KIAA1328: variants seen among roughly 807,000 people sequenced by gnomAD.
The protein encoded by KIAA1328 is protein hinderin.
KIAA1328 carries 52 observed loss-of-function variants against 68.1 expected under a neutral mutation model. That is an observed-to-expected ratio of 0.76 (90% CI 0.61 to 0.96). KIAA1328 has a LOEUF of 0.96. KIAA1328 is among the 40% of genes least tolerant of loss of function. The pLI, the probability that KIAA1328 is intolerant of heterozygous loss-of-function variation, is 0.00. For missense variants in KIAA1328, 641 were observed against 677.6 expected (o/e 0.95, Z 0.60); for synonymous variants, 232 against 239.4 (o/e 0.97, Z 0.28).
At chr18:36,947,344 C>A (rs1488899274) in intron 5 of KIAA1328, among the ~76,000 whole-genome samples, 1 of 152,128 alleles carries the variant, frequency 6.6e-6, no homozygotes, top group Non-Finnish European at 1.5e-5. Context: ...AACCTGTGCC[C>A]AATGTGATTG....
intron 6 of KIAA1328, among the ~76,000 whole-genome samples, chr18:37,020,913 AC>A (rs1418930939): frequency 1.3e-5 from 2 of 152,136 alleles, no homozygotes; most frequent in African/African-American, 4.8e-5. Context: ...TGCCCTTCTT[AC>A]CCCCACAGAA....
intron 4 of KIAA1328, among the ~76,000 whole-genome samples, chr18:36,878,469 A>C (rs2048216099): frequency 6.6e-6 from 1 of 152,056 alleles, no homozygotes; most frequent in Non-Finnish European, 1.5e-5. Context: ...TTCAACCTTG[A>C]TGAATCTGGT....
intron 7 of KIAA1328, among the ~76,000 whole-genome samples, chr18:37,115,916 T>A (rs978960650): frequency 2.0e-5 from 3 of 152,102 alleles, no homozygotes; most frequent in East Asian, 1.9e-4. Flanking sequence ...CACAATTGCT[T>A]CAAAGAGAAT....
intron 6 of KIAA1328, among the ~76,000 whole-genome samples, chr18:37,002,845 A>G (rs1485752494): frequency 6.6e-6 from 1 of 152,162 alleles, no homozygotes; most frequent in Non-Finnish European, 1.5e-5. Flanking sequence ...CAATCCTACA[A>G]TTCATATGAA....
intron 6 of KIAA1328, among the ~76,000 whole-genome samples, chr18:37,033,650 A>G (rs2151592209): frequency 6.6e-6 from 1 of 152,308 alleles, no homozygotes; most frequent in South Asian, 2.1e-4. Context: ...CACTCTACAT[A>G]TGTGCAGTCT....
At chr18:36,972,982 A>C (rs7237196) in intron 6 of KIAA1328, among the ~76,000 whole-genome samples, 1 of 152,088 alleles carries the variant, frequency 6.6e-6, no homozygotes, top group Non-Finnish European at 1.5e-5. Flanking sequence ...TTTTGTGTTG[A>C]AGATGCTGCC....
At position 36,967,264 on chromosome 18, in the gene KIAA1328, G is replaced by T. The variant is rs368844179; in HGVS notation, c.576+7829G>T. 1.4e-4 allele frequency among the ~76,000 whole-genome samples: 21 copies of T among 152,318 alleles called. No homozygotes were observed. In the East Asian group the frequency reaches 3.3e-3, roughly 24 times the overall value. Reference sequence around the variant, plus strand: ...ATTTCTAGCTTTAAAGATGAATGGGGCTCAAAGCTGAGGATAGTTCATGGC... The same window carrying T: ...ATTTCTAGCTTTAAAGATGAATGGGTCTCAAAGCTGAGGATAGTTCATGGC... On this transcript the variant is annotated intron_variant, in intron 6 of 9. Coordinates refer to ENST00000280020, the MANE Select transcript of KIAA1328 (RefSeq NM_020776.3).
intron 6 of KIAA1328, among the ~76,000 whole-genome samples, chr18:36,970,867 C>T (rs566083321): frequency 7.2e-5 from 11 of 152,194 alleles, no homozygotes; most frequent in African/African-American, 1.7e-4. Context: ...TGAAAATGGC[C>T]GCAATGCCCA....
At position 36,886,673 on chromosome 18, in the gene KIAA1328, A is replaced by G. The variant is rs185819248; in HGVS notation, c.448+1001A>G. Among the ~76,000 whole-genome samples the G allele has an allele frequency of 1.8e-4, 27 of 152,288 alleles. No homozygotes were observed. The East Asian group carries it at 4.6e-3, about 26-fold the overall frequency. Reference sequence around the variant, plus strand: ...ATGCAGCAATATGGATGTAGAAGAGAAGTCCCTAAAGTTAGAGTGATGGAT... The same window carrying G: ...ATGCAGCAATATGGATGTAGAAGAGGAGTCCCTAAAGTTAGAGTGATGGAT... On this transcript the variant is annotated intron_variant, in intron 5 of 9. Transcript: ENST00000280020.
intron 5 of KIAA1328, among the ~76,000 whole-genome samples, chr18:36,948,630 A>T (rs1197893448): frequency 1.4e-5 from 2 of 148,076 alleles, no homozygotes; most frequent in East Asian, 2.0e-4. Flanking sequence ...GCTCACCGCA[A>T]CCTCTACCTC....
At chr18:37,084,462 CT>C (rs1568383953) in intron 7 of KIAA1328, 2 of 215,342 alleles carry the variant, frequency 9.3e-6, no homozygotes, top group Non-Finnish European at 1.7e-5. Context: ...TCTACTATTT[CT>C]TTTTTGTTTT....
chr18:37,231,630 G>A (rs1276144315), downstream of KIAA1328: 2 of 152,526 alleles, frequency 1.3e-5, no homozygotes, highest in Non-Finnish European at 2.9e-5. Flanking sequence ...GGACATCAGA[G>A]CTGGCCTCTC....
intron 9 of KIAA1328, among the ~76,000 whole-genome samples, chr18:37,220,346 C>T (rs1200451644): frequency 6.6e-6 from 1 of 152,162 alleles, no homozygotes; most frequent in Non-Finnish European, 1.5e-5. Context: ...GCAGCATCTT[C>T]AGTTACAAAG....
chr18:36,849,218 A>G (rs1427126815), intron 4 of KIAA1328, among the ~76,000 whole-genome samples: 3 of 151,914 alleles, frequency 2.0e-5, no homozygotes, highest in African/African-American at 7.2e-5. Flanking sequence ...CCACTGTTCT[A>G]CTTTCTATAG....
At chr18:37,069,740 A>T (rs556103355) in intron 7 of KIAA1328, among the ~76,000 whole-genome samples, 1 of 152,038 alleles carries the variant, frequency 6.6e-6, no homozygotes, top group Non-Finnish European at 1.5e-5. Flanking sequence ...CTGCCTTGCC[A>T]CAGGTTTGTT....
intron 5 of KIAA1328, among the ~76,000 whole-genome samples, chr18:36,956,690 C>A (rs773591578): frequency 2.9e-4 from 44 of 152,174 alleles, no homozygotes; most frequent in Non-Finnish European, 6.2e-4. Flanking sequence ...ACATTTTACT[C>A]CTAAGCTATA....
chr18:37,202,353 C>T (rs1198980956), intron 9 of KIAA1328, among the ~76,000 whole-genome samples: 1 of 152,070 alleles, frequency 6.6e-6, no homozygotes, highest in East Asian at 1.9e-4. Flanking sequence ...TTTGTAAACC[C>T]ATCAGTTTGT....
chr18:37,115,535 A>C (rs535911900), intron 7 of KIAA1328, among the ~76,000 whole-genome samples: 59 of 152,352 alleles, frequency 3.9e-4, no homozygotes, highest in Non-Finnish European at 7.1e-4. Context: ...AGAGCTATTT[A>C]TGACAAACCC....
Position 37,223,355 on chromosome 18 carries a change from G to A in KIAA1328, c.*1128G>A. On this transcript the variant is annotated 3_prime_UTR_variant, in exon 10 of 10. Transcript: ENST00000280020. ...AAGCCTATGGAAGTTATGCAGTGCAGACCTCATCCTGTCTGCTGTCTTTTC... is the reference window on the plus strand; with the variant it reads ...AAGCCTATGGAAGTTATGCAGTGCAAACCTCATCCTGTCTGCTGTCTTTTC... 1 of 985,360 alleles carries A rather than the reference G, an allele frequency of 1.0e-6. No homozygotes were observed. 61.0% of individuals were successfully genotyped at this position (985,360 alleles called of 1,614,324 possible).
Sources: allele counts gnomAD v4.1 joint callset (sites outside exome capture counted in the v4.1 genomes callset), GRCh38; gene constraint gnomAD v4.1.1; transcripts MANE v1.5; gene names NCBI Gene and HGNC (gene_info 2026-07-23, HGNC 2026-07-21).